Variants in IL18BP observed in about 807,000 individuals in gnomAD.
The protein encoded by IL18BP is interleukin-18-binding protein.
In IL18BP, 23 loss-of-function variants were observed where a neutral mutation model predicts 19.9. The ratio of observed to expected loss-of-function variants is 1.15; its 90% confidence interval spans 0.83 to 1.64. IL18BP has a LOEUF of 1.64. Among genes scored for constraint, IL18BP ranks in the 40% most tolerant of loss-of-function variants. The probability of loss-of-function intolerance (pLI) is 0.00; values close to 1 mark genes in which losing one functional copy is unlikely to be tolerated. For missense variants in IL18BP, 239 were observed against 240.7 expected, an observed-to-expected ratio of 0.99 and a Z score of 0.05; for synonymous variants, 107 against 101.0, an observed-to-expected ratio of 1.06 and a Z score of -0.35.
rs1955268706 is a variant in IL18BP at position 72,001,833 on chromosome 11, GCCACAGCAGT to G, written c.567_576del (p.Pro190ArgfsTer26). On this transcript the variant is annotated frameshift_variant, in exon 6 of 6. Coordinates refer to ENST00000393703, the MANE Select transcript of IL18BP (RefSeq NM_001039660.2). LOFTEE classifies it high-confidence loss of function. ...CCCACCCAAGAAGCCCTGCCCTCCAGCCACAGCAGTCCACAGCAGCAGGGTTAAGACTCAG... is the reference window on the plus strand; with the variant it reads ...CCCACCCAAGAAGCCCTGCCCTCCAGCCACAGCAGCAGGGTTAAGACTCAG... 2 of 1,614,162 alleles carry G rather than the reference GCCACAGCAGT, an allele frequency of 1.2e-6. No individual in the cohort carries two copies. The highest frequency in any genetic ancestry group is 2.2e-5 in the East Asian group (1 of 44,868).
downstream of IL18BP, chr11:72,005,160 A>C (rs1398751740): frequency 6.9e-7 from 1 of 1,452,356 alleles, no homozygotes; most frequent in East Asian, 2.5e-5. Context: ...CCTAGTGCTC[A>C]GGCTAGATCA....
chr11:71,999,934 G>T lies in IL18BP; in HGVS notation c.-51G>T, dbSNP rs746602471. On this transcript the variant is annotated 5_prime_UTR_variant, in exon 2 of 6. Coordinates refer to ENST00000393703, the MANE Select transcript of IL18BP (RefSeq NM_001039660.2). The stretch of plus-strand genomic sequence containing the variant: ...TCCCCCACCTTTCACCAGAGAAGAG[G>T]ACGTTGTCACAGATAAAGAGCCAGG... 2 of 1,603,480 alleles carry T rather than the reference G, an allele frequency of 1.2e-6. No individual in the cohort carries two copies. The highest frequency in any genetic ancestry group is 1.7e-6 in the Non-Finnish European group (2 of 1,171,556).
At chr11:72,007,506 G>A, downstream of IL18BP, 1 of 1,564,652 alleles carries the variant, frequency 6.4e-7, no homozygotes, top group Non-Finnish European at 8.6e-7. Context: ...CTTTTTGAAA[G>A]TGACCATTTC....
downstream of IL18BP, chr11:72,004,301 G>A: frequency 3.1e-6 from 5 of 1,613,024 alleles, no homozygotes; most frequent in Non-Finnish European, 4.2e-6. Flanking sequence ...TCGGTCTCGG[G>A]GAGTCATGGG....
downstream of IL18BP, chr11:72,004,667 C>T (rs1955557306): frequency 1.9e-6 from 3 of 1,613,116 alleles, no homozygotes; most frequent in East Asian, 2.2e-5. Flanking sequence ...CCTGGTGGGG[C>T]TCTAGGGAGA....
At chr11:72,000,782 G>A (rs902225646) in intron 3 of IL18BP, among the ~76,000 whole-genome samples, 5 of 152,160 alleles carry the variant, frequency 3.3e-5, no homozygotes, top group African/African-American at 1.2e-4. Flanking sequence ...ATAAGTAATG[G>A]TCACAGGACC....
At chr11:71,999,162 A>G (rs1376062543) in intron 1 of IL18BP, 143 bp downstream of exon 1, 5 of 516,876 alleles carry the variant, frequency 9.7e-6, no homozygotes, top group Non-Finnish European at 1.5e-5. Context: ...TAGCCTGGGA[A>G]AGGCCAGGAT....
chr11:71,999,132 C>A, intron 1 of IL18BP, 113 bp downstream of exon 1: 1 of 516,642 alleles, frequency 1.9e-6, no homozygotes, highest in Non-Finnish European at 3.9e-6. Context: ...GACCTTGGGG[C>A]TGGTGGCTGG....
At chr11:72,004,260 C>T (rs1955511655), downstream of IL18BP, 1 of 1,613,068 alleles carries the variant, frequency 6.2e-7, no homozygotes, top group Non-Finnish European at 8.5e-7. Context: ...TTCTTCTGGG[C>T]CTCAGTAGTG....
At chr11:71,999,051 C>T in intron 1 of IL18BP, 32 bp downstream of exon 1, 6 of 451,884 alleles carry the variant, frequency 1.3e-5, no homozygotes, top group South Asian at 1.0e-4. Context: ...TGAACCTAGA[C>T]CTGTGGCTCT....
chr11:72,001,602 A>G lies in IL18BP; in HGVS notation c.507+50A>G, dbSNP rs748492168. On this transcript the variant is annotated intron_variant, in intron 5 of 5. Transcript: ENST00000393703. ...CAGGAACAGGAGGAGCTCTGCTTCC[A>G]TATGTGGGGAGGAAAGGGTGGGCTC... 55 of 1,593,472 alleles carry G rather than the reference A, an allele frequency of 3.5e-5. No homozygotes were observed. The highest frequency in any genetic ancestry group is 4.7e-5 in the Non-Finnish European group (55 of 1,169,928).
At chr11:72,004,040 G>A (rs1955481105), downstream of IL18BP, 5 of 1,613,694 alleles carry the variant, frequency 3.1e-6, no homozygotes, top group Non-Finnish European at 4.2e-6. Context: ...GCAGAAGGCT[G>A]TTCCCTAGCT....
downstream of IL18BP, chr11:72,003,592 C>T: frequency 6.2e-7 from 1 of 1,605,254 alleles, no homozygotes; most frequent in Non-Finnish European, 8.5e-7. Flanking sequence ...CTAGCCTGCA[C>T]CCACTGGCTG....
At chr11:72,004,755 G>A (rs753199106), downstream of IL18BP, 1 of 1,608,296 alleles carries the variant, frequency 6.2e-7, no homozygotes, top group Non-Finnish European at 8.5e-7. Flanking sequence ...TCGGCGCAGG[G>A]TCTCTTGGGG....
At chr11:72,004,615 A>AAC (rs1298972204), downstream of IL18BP, 2 of 1,606,566 alleles carry the variant, frequency 1.2e-6, no homozygotes, top group East Asian at 4.5e-5. Context: ...GTGCTGGAGT[A>AAC]ACACCCAGGA....
downstream of IL18BP, chr11:72,005,236 G>C (rs969194693): frequency 1.9e-6 from 3 of 1,594,114 alleles, no homozygotes; most frequent in Non-Finnish European, 2.6e-6. Context: ...GCCTCACCCT[G>C]GACTCCAGGG....
Position 71,999,914 on chromosome 11 carries a change from C to T in IL18BP, c.-58-13C>T, listed in dbSNP as rs181360028. On this transcript the variant is annotated splice_polypyrimidine_tract_variant and intron_variant, in intron 1 of 5. Transcript: ENST00000393703. ...GGAGTGGTTTACCATTCTCCTCCCC[C>T]ACCTTTCACCAGAGAAGAGGACGTT... 12 of 1,534,776 alleles carry T rather than the reference C, an allele frequency of 7.8e-6. No individual in the cohort carries two copies. The highest frequency in any genetic ancestry group is 1.7e-4 in the Middle Eastern group (1 of 5,958).
downstream of IL18BP, chr11:72,005,127 TC>T: frequency 7.7e-7 from 1 of 1,291,746 alleles, no homozygotes. Flanking sequence ...CTCCCCCTCC[TC>T]GGCCAGTCAG....
In IL18BP at chr11:72,001,555, GAGGAGCCCA is replaced by G. The variant is rs1403065239; in HGVS notation, c.507+9_507+17del. The G allele has an allele frequency of 1.2e-6, 2 of 1,610,854 alleles. No homozygotes were observed. The stretch of plus-strand genomic sequence containing the variant: ...ACGTCGTCCTGGCCCAGCTCTGGGT[GAGGAGCCCA>G]AGGAGAGGCCTCCAGGAACAGGAGG... On this transcript the variant is annotated splice_donor_5th_base_variant and intron_variant, in intron 5 of 5. Coordinates refer to ENST00000393703, the MANE Select transcript of IL18BP (RefSeq NM_001039660.2).
Sources: gnomAD v4.1 joint callset for allele counts (sites outside exome capture counted in the v4.1 genomes callset) on GRCh38, gnomAD v4.1.1 for gene constraint, MANE v1.5 for transcripts, NCBI Gene and HGNC (gene_info 2026-07-23, HGNC 2026-07-21) for gene names.